GRAMD1B: variants seen among roughly 807,000 people sequenced by gnomAD.
The protein encoded by GRAMD1B is GRAM domain containing 1B.
In GRAMD1B, 37 loss-of-function variants were observed where a neutral mutation model predicts 99.7. That is an observed-to-expected ratio of 0.37 (90% CI 0.29 to 0.49). GRAMD1B has a LOEUF of 0.49. Among genes scored for constraint, GRAMD1B ranks in the 20% least tolerant of loss-of-function variants. The pLI, the probability that GRAMD1B is intolerant of heterozygous loss-of-function variation, is 0.98. For missense variants in GRAMD1B, 888 were observed against 1,009.2 expected (o/e 0.88, Z 1.63); for synonymous variants, 427 against 387.6 (o/e 1.10, Z -1.19).
At chr11:123,370,455 C>T (rs896794322) in intron 1 of GRAMD1B, among the ~76,000 whole-genome samples, 1 of 150,660 alleles carries the variant, frequency 6.6e-6, no homozygotes, top group Non-Finnish European at 1.5e-5. Context: ...ATTATCCCAC[C>T]TCAGCCTCCT....
chr11:123,578,756 C>T (rs1035593687), intron 3 of GRAMD1B, among the ~76,000 whole-genome samples: 2 of 152,132 alleles, frequency 1.3e-5, no homozygotes, highest in Non-Finnish European at 2.9e-5. Context: ...CCCTGCCTGG[C>T]GTTAGTTTCA....
chr11:123,372,086 T>C (rs1334853202), intron 1 of GRAMD1B, among the ~76,000 whole-genome samples: 1 of 152,234 alleles, frequency 6.6e-6, no homozygotes, highest in Non-Finnish European at 1.5e-5. Context: ...TGTCCTTTCT[T>C]TGTCAACCTG....
intron 1 of GRAMD1B, among the ~76,000 whole-genome samples, chr11:123,364,166 C>G (rs59877946): frequency 0.012 from 1,798 of 152,256 alleles, 37 homozygotes; most frequent in African/African-American, 0.041. Context: ...AGTTCAGTAC[C>G]TAGACTAGAT....
chr11:123,532,285 G>T (rs1203338661), intron 2 of GRAMD1B, among the ~76,000 whole-genome samples: 2 of 152,314 alleles, frequency 1.3e-5, no homozygotes, highest in African/African-American at 2.4e-5. Context: ...CTACCGCAGT[G>T]GTCAGGGTGG....
chr11:123,422,480 A>G (rs1948480109), intron 1 of GRAMD1B, among the ~76,000 whole-genome samples: 1 of 152,250 alleles, frequency 6.6e-6, no homozygotes, highest in Admixed American at 6.5e-5. Context: ...GTGTCATAAA[A>G]AGTAATTCCA....
In GRAMD1B at chr11:123,560,683, CGTGTGTGTGTGTGTGTGTGTGTGTGTGT is replaced by C. The variant is rs749623875; in HGVS notation, c.453-16659_453-16632del. ...TGCTAACTCGTGCTGACGCCTGGTG[CGTGTGTGTGTGTGTGTGTGTGTGTGTGT>C]GTGTGTGTGTGTGTGTGTGTGTGTA... On this transcript the variant is annotated intron_variant, in intron 2 of 19. Transcript: ENST00000635736. The C allele has an allele frequency of 5.4e-5, 23 of 426,330 alleles. No individual in the cohort carries two copies. In the East Asian group the frequency reaches 9.0e-4, roughly 17 times the overall value. The allele number at this position is 426,330 out of a possible 1,614,324, so 26.4% of individuals were successfully genotyped here.
intron 1 of GRAMD1B, among the ~76,000 whole-genome samples, chr11:123,467,845 T>C (rs1176904971): frequency 1.7e-4 from 22 of 130,274 alleles, no homozygotes; most frequent in South Asian, 3.1e-4. Context: ...CTCCCTCCCT[T>C]CCTTCCTTCC....
intron 3 of GRAMD1B, 67 bp downstream of exon 3, chr11:123,577,644 G>A: frequency 8.1e-7 from 1 of 1,227,754 alleles, no homozygotes; most frequent in Non-Finnish European, 1.2e-6. Flanking sequence ...TTGGGGTGGT[G>A]AGCCGGAGAA....
chr11:123,393,960 A>G (rs1246117620), intron 1 of GRAMD1B, among the ~76,000 whole-genome samples: 3 of 152,180 alleles, frequency 2.0e-5, no homozygotes, highest in Non-Finnish European at 4.4e-5. Flanking sequence ...TTTCCACTGC[A>G]AATCCCTTAC....
At position 123,560,071 on chromosome 11, in the gene GRAMD1B, C is replaced by T. The variant is rs1020253878; in HGVS notation, c.453-17296C>T. On this transcript the variant is annotated intron_variant, in intron 2 of 19. Transcript: ENST00000635736. ...TGAGGGTGAAGAGGAAATAACCCCCCCCCCCGCAGCCCCAGCGGCTCTGTC... is the reference window on the plus strand; with the variant it reads ...TGAGGGTGAAGAGGAAATAACCCCCTCCCCCGCAGCCCCAGCGGCTCTGTC... Among the ~76,000 whole-genome samples the T allele has an allele frequency of 3.9e-4, 58 of 150,614 alleles. 1 individual carries two copies. The highest frequency in any genetic ancestry group is 1.3e-3 in the African/African-American group (54 of 40,234).
At chr11:123,388,298 A>G (rs1371690112) in intron 1 of GRAMD1B, among the ~76,000 whole-genome samples, 1 of 152,138 alleles carries the variant, frequency 6.6e-6, no homozygotes. Flanking sequence ...CTTATGTGGT[A>G]GTATTAAGAG....
chr11:123,465,245 G>C (rs1950605581), intron 1 of GRAMD1B, among the ~76,000 whole-genome samples: 1 of 152,176 alleles, frequency 6.6e-6, no homozygotes, highest in Admixed American at 6.6e-5. Flanking sequence ...CAAGCAAAGA[G>C]CGGTATGTAT....
chr11:123,378,380 A>G (rs1946760655), intron 1 of GRAMD1B, among the ~76,000 whole-genome samples: 1 of 152,168 alleles, frequency 6.6e-6, no homozygotes, highest in Non-Finnish European at 1.5e-5. Context: ...GTCAAATGGA[A>G]GGGTTGTGCT....
chr11:123,604,578 A>G (rs1952443677), intron 9 of GRAMD1B, among the ~76,000 whole-genome samples: 1 of 152,172 alleles, frequency 6.6e-6, no homozygotes, highest in African/African-American at 2.4e-5. Flanking sequence ...CAAGAAAAGA[A>G]CATTGAATGT....
At chr11:123,618,939 C>T in intron 18 of GRAMD1B, 139 bp downstream of exon 18, 1 of 705,698 alleles carries the variant, frequency 1.4e-6, no homozygotes, top group Non-Finnish European at 2.5e-6. Context: ...CAGAATCTCT[C>T]CCTATAGTTT....
chr11:123,517,249 C>T (rs551687039), intron 2 of GRAMD1B, among the ~76,000 whole-genome samples: 3 of 152,146 alleles, frequency 2.0e-5, no homozygotes, highest in South Asian at 2.1e-4. Flanking sequence ...AAAAAATAAA[C>T]AGCTGATTGA....
In GRAMD1B at chr11:123,430,685, C is replaced by T. The variant is rs1948832754; in HGVS notation, c.-108C>T. 1.8e-6 allele frequency: 1 copy of T among 544,490 alleles called. No individual in the cohort carries two copies. Among genetic ancestry groups the T allele is most frequent in the East Asian group, 3.3e-5 (1 of 30,348 alleles). 33.7% of individuals were successfully genotyped at this position (544,490 alleles called of 1,614,324 possible). A position where few individuals can be genotyped will look rare whatever the true frequency, so the allele number is the denominator to read the frequency against. On this transcript the variant is annotated 5_prime_UTR_variant, in exon 1 of 20. Transcript: ENST00000635736. ...GGAAAGGAACTTGTTCCTTCGGCCCCAGGATTGGGGAGTGTGCCGCGGGGC... is the reference window on the plus strand; with the variant it reads ...GGAAAGGAACTTGTTCCTTCGGCCCTAGGATTGGGGAGTGTGCCGCGGGGC...
upstream of GRAMD1B, among the ~76,000 whole-genome samples, chr11:123,428,253 C>T (rs755547474): frequency 1.3e-5 from 2 of 152,200 alleles, no homozygotes; most frequent in Non-Finnish European, 2.9e-5. Context: ...AGGCAGTGAA[C>T]AAACTCTGTG....
chr11:123,614,863 GC>G, intron 17 of GRAMD1B, 28 bp downstream of exon 17: 1 of 1,338,126 alleles, frequency 7.5e-7, no homozygotes. Context: ...TTCCTATCCT[GC>G]CCTCACCACC....
Sources: gnomAD v4.1 joint callset for allele counts (sites outside exome capture counted in the v4.1 genomes callset) on GRCh38, gnomAD v4.1.1 for gene constraint, MANE v1.5 for transcripts, NCBI Gene and HGNC (gene_info 2026-07-23, HGNC 2026-07-21) for gene names.